The following MAGI2 variants were observed in gnomAD, a reference collection of about 807,000 sequenced individuals.
MAGI2 encodes membrane-associated guanylate kinase, WW and PDZ domain-containing protein 2.
A neutral mutation model predicts 133.3 loss-of-function variants in MAGI2; 35 were observed. The ratio of observed to expected loss-of-function variants is 0.26; its 90% CI spans 0.20 to 0.35. The LOEUF (loss-of-function observed/expected upper bound fraction) is 0.35. MAGI2 is among the 10% of genes least tolerant of loss of function. MAGI2 has a pLI of 1.00. For synonymous variants in MAGI2, 729 were observed against 710.6 expected, an observed-to-expected ratio of 1.03 and a Z score of -0.41; for missense variants, 1,636 against 1,863.4, an observed-to-expected ratio of 0.88 and a Z score of 2.25.
At chr7:78,533,357 T>C (rs576161068) in intron 3 of MAGI2, among the ~76,000 whole-genome samples, 3 of 151,854 alleles carry the variant, frequency 2.0e-5, no homozygotes, top group Admixed American at 6.6e-5. Context: ...AGAAAATACA[T>C]AGGAATAAGA....
intron 2 of MAGI2, among the ~76,000 whole-genome samples, chr7:78,823,909 T>TCACACACACACACACACACA (rs151269215): frequency 1.6e-4 from 23 of 148,152 alleles, no homozygotes; most frequent in African/African-American, 5.4e-4. Flanking sequence ...GGATTTCACA[T>TCACACACACACACACACACA]CACACACACA....
chr7:78,374,776 T>C (rs1280054394), intron 6 of MAGI2, among the ~76,000 whole-genome samples: 4 of 152,158 alleles, frequency 2.6e-5, no homozygotes, highest in African/African-American at 9.7e-5. Context: ...TTCATTTTGA[T>C]AGAACTGAAA....
Position 79,397,960 on chromosome 7 carries a change from C to T in MAGI2, c.301+55060G>A, listed in dbSNP as rs544441277. 4.6e-5 allele frequency among the ~76,000 whole-genome samples: 7 copies of T among 152,086 alleles called. No homozygotes were observed. The South Asian group carries it at 1.5e-3, about 32-fold the overall frequency. On this transcript the variant is annotated intron_variant, in intron 1 of 21. Coordinates refer to ENST00000354212, the MANE Select transcript of MAGI2 (RefSeq NM_012301.4). ...TCAACTTTCCTCCCTAATATATTTC[C>T]TTGTTTTTATGTTTAGAATGTTCTT... is the stretch of plus-strand genomic sequence containing the variant.
At chr7:78,983,020 G>A (rs570516148) in intron 2 of MAGI2, among the ~76,000 whole-genome samples, 9 of 151,866 alleles carry the variant, frequency 5.9e-5, no homozygotes, top group Non-Finnish European at 1.2e-4. Flanking sequence ...GGATTTCAAA[G>A]ACTTACTACA....
At chr7:78,560,121 G>A (rs1354348570) in intron 3 of MAGI2, among the ~76,000 whole-genome samples, 3 of 152,038 alleles carry the variant, frequency 2.0e-5, no homozygotes, top group African/African-American at 7.2e-5. Flanking sequence ...AGTGTGAGAA[G>A]GTTGAAGTTG....
intron 2 of MAGI2, among the ~76,000 whole-genome samples, chr7:78,875,265 A>G (rs1795329763): frequency 6.6e-6 from 1 of 152,210 alleles, no homozygotes; most frequent in South Asian, 2.1e-4. Flanking sequence ...GATTGGGTGC[A>G]TTCCAGAATA....
intron 2 of MAGI2, among the ~76,000 whole-genome samples, chr7:78,849,485 A>C (rs1455519244): frequency 2.6e-5 from 4 of 152,096 alleles, no homozygotes; most frequent in African/African-American, 9.7e-5. Context: ...AAGGTAACAC[A>C]TGAAGGCTGC....
At chr7:78,021,629 G>A (rs932744840) in intron 21 of MAGI2, among the ~76,000 whole-genome samples, 2 of 152,308 alleles carry the variant, frequency 1.3e-5, no homozygotes, top group East Asian at 1.9e-4. Flanking sequence ...AATCAAAAAC[G>A]TTTCTCATTC....
At chr7:79,239,274 G>A (rs891435199) in intron 1 of MAGI2, among the ~76,000 whole-genome samples, 2 of 152,066 alleles carry the variant, frequency 1.3e-5, no homozygotes, top group African/African-American at 4.8e-5. Flanking sequence ...TGACAAACTT[G>A]TAACTATGTA....
intron 2 of MAGI2, among the ~76,000 whole-genome samples, chr7:78,756,926 A>G (rs1824003705): frequency 1.3e-5 from 2 of 152,170 alleles, no homozygotes; most frequent in African/African-American, 4.8e-5. Flanking sequence ...CTAGAGAAAA[A>G]TGACCACTGA....
chr7:78,439,542 G>A (rs1787392817), intron 6 of MAGI2, among the ~76,000 whole-genome samples: 1 of 152,124 alleles, frequency 6.6e-6, no homozygotes, highest in Admixed American at 6.6e-5. Context: ...AGGGGGCACA[G>A]CAAGAGTGAA....
At chr7:78,202,540 A>G (rs1264550265) in intron 10 of MAGI2, among the ~76,000 whole-genome samples, 1 of 151,766 alleles carries the variant, frequency 6.6e-6, no homozygotes, top group African/African-American at 2.4e-5. Context: ...AAAATTAGCC[A>G]GGTGTGGAGG....
intron 2 of MAGI2, among the ~76,000 whole-genome samples, chr7:78,900,349 T>C (rs1797527957): frequency 6.6e-6 from 1 of 152,192 alleles, no homozygotes; most frequent in Non-Finnish European, 1.5e-5. Flanking sequence ...ATCACCTTTA[T>C]TCAAAGTCTC....
intron 10 of MAGI2, among the ~76,000 whole-genome samples, chr7:78,231,399 T>G (rs1270056632): frequency 6.6e-6 from 1 of 152,382 alleles, no homozygotes; most frequent in South Asian, 2.1e-4. Context: ...TTTGCATTCC[T>G]GGCCCCTGCG....
At chr7:78,815,543 C>T (rs754071001) in intron 2 of MAGI2, among the ~76,000 whole-genome samples, 45 of 151,944 alleles carry the variant, frequency 3.0e-4, no homozygotes, top group Admixed American at 3.9e-4. Flanking sequence ...TTTGTGGCAA[C>T]TTTTCATGAA....
At chr7:78,995,855 C>T (rs1466416429) in intron 2 of MAGI2, among the ~76,000 whole-genome samples, 1 of 152,158 alleles carries the variant, frequency 6.6e-6, no homozygotes. Context: ...ACCTGGGATA[C>T]ACTCCCTCTT....
intron 2 of MAGI2, among the ~76,000 whole-genome samples, chr7:78,903,343 G>A (rs1298750684): frequency 6.6e-6 from 1 of 151,606 alleles, no homozygotes; most frequent in East Asian, 1.9e-4. Context: ...ACAGGCGCCC[G>A]CTACCACGCC....
chr7:78,576,841 G>C (rs778839288), intron 3 of MAGI2, among the ~76,000 whole-genome samples: 1 of 152,178 alleles, frequency 6.6e-6, no homozygotes, highest in Non-Finnish European at 1.5e-5. Context: ...GCTCATGCCT[G>C]TAATCCTAGC....
At chr7:78,154,088 C>A (rs1046745985) in intron 16 of MAGI2, among the ~76,000 whole-genome samples, 1 of 152,320 alleles carries the variant, frequency 6.6e-6, no homozygotes, top group South Asian at 2.1e-4. Flanking sequence ...ACTTCTATTT[C>A]ATTTTGATTT....
Sources: gnomAD v4.1 joint callset for allele counts (sites outside exome capture counted in the v4.1 genomes callset) on GRCh38, gnomAD v4.1.1 for gene constraint, MANE v1.5 for transcripts, NCBI Gene and HGNC (gene_info 2026-07-23, HGNC 2026-07-21) for gene names.